NEDD4: variants seen among roughly 807,000 people sequenced by gnomAD.
NEDD4 encodes the protein E3 ubiquitin-protein ligase NEDD4.
In NEDD4, 99 loss-of-function variants were observed where a neutral mutation model predicts 144.9. That is an observed-to-expected ratio of 0.68 (90% CI 0.58 to 0.81). NEDD4 has a LOEUF of 0.81. NEDD4 is among the 30% of genes least tolerant of loss of function. The pLI, the probability that NEDD4 is intolerant of heterozygous loss-of-function variation, is 0.00. For synonymous variants in NEDD4, 318 were observed against 350.6 expected (o/e 0.91, Z 1.04); for missense variants, 985 against 1,065.9 (o/e 0.92, Z 1.06).
At chr15:55,848,302 G>T in intron 17 of NEDD4, 70 bp downstream of exon 17, 2 of 1,458,958 alleles carry the variant, frequency 1.4e-6, no homozygotes, top group Non-Finnish European at 1.9e-6. Flanking sequence ...GGTTATGCCC[G>T]TGACTATCTG....
intron 26 of NEDD4, 94 bp from the exon 27 acceptor site, chr15:55,833,198 A>G (rs1210969796): frequency 1.7e-5 from 13 of 773,766 alleles, no homozygotes; most frequent in African/African-American, 3.4e-5. Context: ...TAGAATATTA[A>G]TAATCCCTTA....
chr15:55,919,326 C>G (rs573433206), intron 5 of NEDD4, among the ~76,000 whole-genome samples: 1 of 152,252 alleles, frequency 6.6e-6, no homozygotes, highest in South Asian at 2.1e-4. Context: ...CCAGCCGCCA[C>G]TTTTAAAGAA....
chr15:55,839,519 G>C (rs1482950044), intron 21 of NEDD4, among the ~76,000 whole-genome samples: 2 of 152,120 alleles, frequency 1.3e-5, no homozygotes, highest in African/African-American at 4.8e-5. Context: ...AAATGAACTT[G>C]GTACTAAGGA....
Position 55,838,165 on chromosome 15 carries a change from G to A in NEDD4, c.2143C>T (p.Leu715=). 1 of 1,596,606 alleles carries A rather than the reference G, an allele frequency of 6.3e-7. No individual in the cohort carries two copies. Among genetic ancestry groups the A allele is most frequent in the South Asian group, 1.1e-5 (1 of 88,388 alleles). Residue 715 remains leucine, a synonymous_variant, in exon 23 of 29, where the codon CTG becomes TTG. Coordinates refer to ENST00000435532, the MANE Select transcript of NEDD4 (RefSeq NM_006154.4). ...ACTATTTCTGATCCACCATTTTTCA[G>A]CTCATGTTGATGTGTCTAAAATTAA... is the stretch of plus-strand genomic sequence containing the variant. The part of the protein sequence containing the change: ...ELFGQTHQHE[L]KNGGSEIVVT...
intron 5 of NEDD4, among the ~76,000 whole-genome samples, chr15:55,921,977 T>G (rs192724787): frequency 6.6e-6 from 1 of 152,174 alleles, no homozygotes; most frequent in South Asian, 2.1e-4. Flanking sequence ...GCAAATAAAA[T>G]AGTTCACCAA....
intron 1 of NEDD4, among the ~76,000 whole-genome samples, chr15:55,967,731 T>A (rs1433714811): frequency 2.0e-5 from 3 of 152,120 alleles, no homozygotes; most frequent in East Asian, 1.9e-4. Flanking sequence ...GATAACATTA[T>A]AAAATATTGC....
chr15:55,872,274 A>AAAT (rs200943726), intron 7 of NEDD4, 141 bp downstream of exon 7: 4,433 of 231,992 alleles, frequency 0.019, 179 homozygotes, highest in African/African-American at 0.091. Context: ...GAAGCTTTTA[A>AAAT]AATAATAATA....
Position 55,861,189 on chromosome 15 carries a change from C to A in NEDD4, c.675-411G>T, listed in dbSNP as rs1401312328. Among the ~76,000 whole-genome samples the A allele has an allele frequency of 3.9e-5, 6 of 152,232 alleles. No individual in the cohort carries two copies. In the South Asian group the frequency reaches 1.2e-3, roughly 32 times the overall value. On this transcript the variant is annotated intron_variant, in intron 9 of 28. Coordinates refer to ENST00000435532, the MANE Select transcript of NEDD4 (RefSeq NM_006154.4). ...ATACATCTTTGTGAATCAGATAGTA[C>A]ATTTTCTAGAATTGGTCTTAAGCCA...
chr15:55,835,713 C>A (rs554678413), intron 24 of NEDD4, among the ~76,000 whole-genome samples: 33 of 152,222 alleles, frequency 2.2e-4, no homozygotes, highest in South Asian at 1.5e-3. Flanking sequence ...AATCCTATCT[C>A]AACTCCCTCA....
intron 4 of NEDD4, among the ~76,000 whole-genome samples, chr15:55,932,905 A>C (rs1041498824): frequency 2.6e-5 from 4 of 152,264 alleles, no homozygotes; most frequent in East Asian, 1.9e-4. Context: ...ATGCAGCCAA[A>C]AGACACATGA....
chr15:55,878,999 G>A (rs1458043332), intron 5 of NEDD4, among the ~76,000 whole-genome samples: 2 of 152,058 alleles, frequency 1.3e-5, no homozygotes. Flanking sequence ...ATTTTTTTGT[G>A]TTATTAGTAA....
chr15:55,860,354 A>C, intron 11 of NEDD4, 53 bp downstream of exon 11: 2 of 1,556,538 alleles, frequency 1.3e-6, no homozygotes, highest in Non-Finnish European at 1.8e-6. Flanking sequence ...TGAATAGTAT[A>C]ATATGCATAA....
chr15:55,948,698 T>C (rs182052838), intron 4 of NEDD4, among the ~76,000 whole-genome samples: 114 of 152,182 alleles, frequency 7.5e-4, no homozygotes, highest in Admixed American at 4.1e-3. Context: ...AAACAAGAAA[T>C]GGGGAAAGGA....
intron 27 of NEDD4, 140 bp from the exon 28 acceptor site, chr15:55,830,726 G>A: frequency 1.5e-6 from 1 of 666,464 alleles, no homozygotes. Flanking sequence ...TAGAGATGGG[G>A]TATCCCTCTG....
chr15:55,962,927 C>CA (rs1408779788), intron 2 of NEDD4, among the ~76,000 whole-genome samples: 1 of 151,698 alleles, frequency 6.6e-6, no homozygotes, highest in East Asian at 1.9e-4. Context: ...GCTGGGATTA[C>CA]AGACACGCGC....
chr15:55,852,370 G>T, intron 13 of NEDD4, 54 bp downstream of exon 13: 1 of 1,568,380 alleles, frequency 6.4e-7, no homozygotes, highest in South Asian at 1.2e-5. Context: ...AGTTTACATA[G>T]GGATGTGACA....
chr15:55,993,599 G>C lies in NEDD4; in HGVS notation c.-44C>G. The stretch of plus-strand genomic sequence containing the variant: ...AACCGGACGCGCTCGCCCCCGCCCA[G>C]GGCAGGCAACTGTGGAGGAGGAGGA... On this transcript the variant is annotated 5_prime_UTR_variant, in exon 1 of 29. Coordinates refer to ENST00000435532, the MANE Select transcript of NEDD4 (RefSeq NM_006154.4). The C allele has an allele frequency of 6.3e-7, 1 of 1,583,396 alleles. No individual in the cohort carries two copies. Among genetic ancestry groups the C allele is most frequent in the Non-Finnish European group, 8.6e-7 (1 of 1,168,252 alleles).
chr15:55,956,658 A>C (rs1028432096), intron 2 of NEDD4, among the ~76,000 whole-genome samples: 1 of 152,014 alleles, frequency 6.6e-6, no homozygotes, highest in African/African-American at 2.4e-5. Context: ...TCTCCATTCC[A>C]CTGAACAATA....
intron 5 of NEDD4, among the ~76,000 whole-genome samples, chr15:55,875,770 G>A (rs2034971658): frequency 6.6e-6 from 1 of 152,024 alleles, no homozygotes; most frequent in Non-Finnish European, 1.5e-5. Flanking sequence ...GGGAACTTGT[G>A]GAAAAATTTC....
Sources: gnomAD v4.1 joint callset for allele counts (sites outside exome capture counted in the v4.1 genomes callset) on GRCh38, gnomAD v4.1.1 for gene constraint, MANE v1.5 for transcripts, NCBI Gene and HGNC (gene_info 2026-07-23, HGNC 2026-07-21) for gene names.